Variants in LCORL observed in about 807,000 individuals in gnomAD.
LCORL encodes ligand-dependent nuclear receptor corepressor-like protein.
Under a neutral mutation model 141.8 loss-of-function variants are expected in LCORL, and 41 were observed. That is an observed-to-expected ratio of 0.29 (90% confidence interval 0.23 to 0.38). The LOEUF (loss-of-function observed/expected upper bound fraction) is 0.38. Among genes scored for constraint, LCORL ranks in the 10% least tolerant of loss-of-function variants. LCORL has a pLI of 1.00. For synonymous variants in LCORL, 618 were observed against 694.1 expected (o/e 0.89, Z 1.72); for missense variants, 1,759 against 2,035.0 (o/e 0.86, Z 2.61).
chr4:17,962,151 T>C (rs1713935035), intron 3 of LCORL, 119 bp from the exon 4 acceptor site: 2 of 538,268 alleles, frequency 3.7e-6, no homozygotes. Context: ...CTTTAAATTG[T>C]ATCAAATTAG....
chr4:17,985,084 ATTTT>A (rs564671846), intron 1 of LCORL, among the ~76,000 whole-genome samples: 206 of 151,768 alleles, frequency 1.4e-3, no homozygotes, highest in Non-Finnish European at 2.5e-3. Context: ...GTTTTGAGTG[ATTTT>A]TTTTGTTTTA....
chr4:17,903,318 G>C (rs1454065539), intron 5 of LCORL, among the ~76,000 whole-genome samples: 3 of 151,994 alleles, frequency 2.0e-5, no homozygotes, highest in Non-Finnish European at 4.4e-5. Flanking sequence ...TATGGCAGAA[G>C]ACTGTATTAA....
intron 4 of LCORL, among the ~76,000 whole-genome samples, chr4:17,920,191 AG>A (rs1449197955): frequency 1.3e-5 from 2 of 152,226 alleles, no homozygotes; most frequent in African/African-American, 4.8e-5. Context: ...CACTATCTCC[AG>A]GTAGATAGTA....
At chr4:17,882,080 G>A (rs1727650275) in intron 6 of LCORL, 1 of 983,964 alleles carries the variant, frequency 1.0e-6, no homozygotes, top group Admixed American at 6.2e-5. Context: ...CTGCTTGGTT[G>A]TGTAGTTTCT....
chr4:18,020,270 G>A (rs529600439), intron 1 of LCORL, among the ~76,000 whole-genome samples: 3 of 152,206 alleles, frequency 2.0e-5, no homozygotes, highest in East Asian at 3.9e-4. Context: ...CGGGGTCGGG[G>A]GTGCGAGGTG....
chr4:17,935,467 T>C (rs1736700872), intron 4 of LCORL, among the ~76,000 whole-genome samples: 1 of 152,180 alleles, frequency 6.6e-6, no homozygotes, highest in African/African-American at 2.4e-5. Flanking sequence ...GGGAGATGTT[T>C]GGGTCATGGG....
chr4:17,959,304 T>C (rs1438384528), intron 4 of LCORL, among the ~76,000 whole-genome samples: 3 of 152,018 alleles, frequency 2.0e-5, no homozygotes, highest in African/African-American at 7.2e-5. Flanking sequence ...TAGTGGAGAA[T>C]GGGAAGTGTT....
chr4:17,876,453 A>C (rs369057292), exon 7 of LCORL: 1 of 1,230,722 alleles, frequency 8.1e-7, no homozygotes, highest in African/African-American at 1.6e-5. Context: ...TTTTTTGGCT[A>C]TACTTATTGT....
At chr4:17,853,364 T>A (rs1316631799) in intron 7 of LCORL, among the ~76,000 whole-genome samples, 1 of 152,048 alleles carries the variant, frequency 6.6e-6, no homozygotes, top group Non-Finnish European at 1.5e-5. Flanking sequence ...TCCAGGAGAG[T>A]TAAATATTTA....
At chr4:17,958,295 C>T (rs1392439211) in intron 4 of LCORL, among the ~76,000 whole-genome samples, 7 of 150,812 alleles carry the variant, frequency 4.6e-5, no homozygotes, top group Non-Finnish European at 7.4e-5. Flanking sequence ...AAAAAAAAAG[C>T]AGGAAAAACA....
intron 4 of LCORL, among the ~76,000 whole-genome samples, chr4:17,951,291 A>C (rs1179874742): frequency 6.6e-6 from 1 of 152,214 alleles, no homozygotes; most frequent in Non-Finnish European, 1.5e-5. Flanking sequence ...TGGTGAAGTT[A>C]ACTATTTCTT....
intron 6 of LCORL, 141 bp from the exon 7 acceptor site, chr4:17,878,354 A>G: frequency 2.2e-6 from 1 of 464,016 alleles, no homozygotes; most frequent in Non-Finnish European, 3.5e-6. Flanking sequence ...TGGCATTTTG[A>G]TTATTGTTTA....
At chr4:17,918,352 T>C (rs1006402645) in intron 4 of LCORL, among the ~76,000 whole-genome samples, 3 of 152,024 alleles carry the variant, frequency 2.0e-5, no homozygotes, top group Admixed American at 6.5e-5. Context: ...GGGGAAAAAG[T>C]CCACAGAAAA....
intron 4 of LCORL, among the ~76,000 whole-genome samples, chr4:17,916,835 G>C (rs1159917254): frequency 1.3e-5 from 2 of 151,880 alleles, no homozygotes; most frequent in African/African-American, 4.8e-5. Context: ...AGTAGCGGCT[G>C]GGTTTTGCCA....
intron 4 of LCORL, among the ~76,000 whole-genome samples, chr4:17,923,039 C>T (rs1412562211): frequency 2.0e-5 from 3 of 152,194 alleles, no homozygotes; most frequent in African/African-American, 4.8e-5. Flanking sequence ...CCCCTGTTTG[C>T]TTCTAGACCT....
chr4:17,847,703 T>C (rs2109088869), intron 7 of LCORL, among the ~76,000 whole-genome samples: 1 of 152,238 alleles, frequency 6.6e-6, no homozygotes, highest in East Asian at 1.9e-4. Flanking sequence ...TACATTATTA[T>C]TAAAATGTCC....
intron 4 of LCORL, among the ~76,000 whole-genome samples, chr4:17,937,172 G>T (rs1736998691): frequency 6.6e-6 from 1 of 152,008 alleles, no homozygotes; most frequent in African/African-American, 2.4e-5. Flanking sequence ...ACTGCTCTGG[G>T]TTAACATTTT....
At chr4:17,995,381 T>G (rs887282140) in intron 1 of LCORL, among the ~76,000 whole-genome samples, 8 of 152,094 alleles carry the variant, frequency 5.3e-5, no homozygotes, top group African/African-American at 1.2e-4. Context: ...TGGCATCTTG[T>G]GGGAAGAGGC....
intron 7 of LCORL, among the ~76,000 whole-genome samples, chr4:17,847,720 A>G (rs1364101407): frequency 6.6e-6 from 1 of 152,056 alleles, no homozygotes; most frequent in African/African-American, 2.4e-5. Flanking sequence ...GTCCTCAGGG[A>G]CCTCATTTTT....
Sources: gnomAD v4.1 joint callset for allele counts (sites outside exome capture counted in the v4.1 genomes callset) on GRCh38, gnomAD v4.1.1 for gene constraint, MANE v1.5 for transcripts, NCBI Gene and HGNC (gene_info 2026-07-23, HGNC 2026-07-21) for gene names.